Variants in TEX36 observed in about 807,000 individuals in gnomAD.
TEX36 encodes the protein testis expressed 36.
TEX36 carries 12 observed loss-of-function variants against 13.6 expected under a neutral mutation model. The ratio of observed to expected loss-of-function variants is 0.88; its 90% CI spans 0.56 to 1.43. The LOEUF is 1.43. Ranked by LOEUF, TEX36 falls within the 40% of genes most tolerant of loss-of-function variation. The probability of loss-of-function intolerance (pLI) is 0.00; values close to 1 mark genes in which losing one functional copy is unlikely to be tolerated. For synonymous variants in TEX36, 93 were observed against 83.0 expected, an observed-to-expected ratio of 1.12 and a Z score of -0.65; for missense variants, 224 against 228.3, an observed-to-expected ratio of 0.98 and a Z score of 0.12.
At chr10:125,604,624 C>G (rs1161209877) in intron 3 of TEX36, among the ~76,000 whole-genome samples, 1 of 152,134 alleles carries the variant, frequency 6.6e-6, no homozygotes, top group African/African-American at 2.4e-5. Context: ...CCATCCTGGT[C>G]AACAAGGTGA....
intron 3 of TEX36, among the ~76,000 whole-genome samples, chr10:125,588,008 A>G (rs2133529470): frequency 6.6e-6 from 1 of 152,264 alleles, no homozygotes; most frequent in East Asian, 1.9e-4. Flanking sequence ...GGATACCATA[A>G]TCTATTTAAT....
intron 1 of TEX36, among the ~76,000 whole-genome samples, chr10:125,668,651 T>G (rs1283860584): frequency 6.6e-6 from 1 of 152,178 alleles, no homozygotes; most frequent in Non-Finnish European, 1.5e-5. Context: ...TGTTTTTCTT[T>G]TTTAAAGAAT....
At chr10:125,655,233 C>A (rs551479347), downstream of TEX36, among the ~76,000 whole-genome samples, 1 of 152,048 alleles carries the variant, frequency 6.6e-6, no homozygotes, top group East Asian at 1.9e-4. Flanking sequence ...TCACTTGGGG[C>A]CAGGAATTCA....
Position 125,661,840 on chromosome 10 carries a change from A to G in TEX36, c.183+6T>C. On this transcript the variant is annotated splice_donor_region_variant and intron_variant, in intron 2 of 3. Transcript: ENST00000368821. ...CACATGGCAGTGGCCAGTGTTCAGG[A>G]CTCACCTTCTCCCGGACTTTGTATA... 1 of 1,551,562 alleles carries G rather than the reference A, an allele frequency of 6.4e-7. No homozygotes were observed. Among genetic ancestry groups the G allele is most frequent in the Non-Finnish European group, 8.7e-7 (1 of 1,146,904 alleles).
At chr10:125,580,148 C>T (rs1845866844) in intron 3 of TEX36, among the ~76,000 whole-genome samples, 1 of 152,192 alleles carries the variant, frequency 6.6e-6, no homozygotes, top group Non-Finnish European at 1.5e-5. Context: ...TTCTCTCCAA[C>T]CAATGGCTGC....
At chr10:125,598,307 G>A (rs904316067) in intron 3 of TEX36, among the ~76,000 whole-genome samples, 2 of 152,264 alleles carry the variant, frequency 1.3e-5, no homozygotes, top group East Asian at 3.9e-4. Flanking sequence ...AACGCTTCAG[G>A]GTAGCAACAG....
At position 125,588,166 on chromosome 10, in the gene TEX36, C is replaced by T. The variant is rs531578859; in HGVS notation, c.265-11292G>A. ...TGATGGGTTAATGAGTCAAAGGGTA[C>T]AGACATTTGTAATTTGGATAGAACT... On this transcript the variant is annotated intron_variant, in intron 3 of 3. Coordinates refer to the TEX36 transcript ENST00000532135. Among the ~76,000 whole-genome samples, 5 of 152,284 alleles carry T rather than the reference C, an allele frequency of 3.3e-5. No homozygotes were observed. In the East Asian group the frequency reaches 9.6e-4, roughly 29 times the overall value.
chr10:125,661,844 A>C lies in TEX36; in HGVS notation c.183+2T>G, dbSNP rs1324527165. On this transcript the variant is annotated splice_donor_variant, in intron 2 of 3. Transcript: ENST00000368821. LOFTEE classifies it high-confidence loss of function. Reference sequence around the variant, plus strand: ...TGGCAGTGGCCAGTGTTCAGGACTCACCTTCTCCCGGACTTTGTATATGGG... The same window carrying C: ...TGGCAGTGGCCAGTGTTCAGGACTCCCCTTCTCCCGGACTTTGTATATGGG... 6.4e-7 allele frequency: 1 copy of C among 1,551,760 alleles called. No individual in the cohort carries two copies. Among genetic ancestry groups the C allele is most frequent in the Admixed American group, 2.0e-5 (1 of 51,002 alleles).
chr10:125,662,026 A>G (rs1439090255), intron 1 of TEX36, 49 bp from the exon 2 acceptor site: 2 of 1,551,104 alleles, frequency 1.3e-6, no homozygotes, highest in East Asian at 4.9e-5. Flanking sequence ...ATTTGAATCT[A>G]CAAGCCAAGT....
At chr10:125,639,559 A>G (rs1336660404) in intron 3 of TEX36, among the ~76,000 whole-genome samples, 2 of 141,366 alleles carry the variant, frequency 1.4e-5, no homozygotes, top group African/African-American at 5.2e-5. Flanking sequence ...AATACACATG[A>G]TACTGTGGCT....
At chr10:125,612,640 T>C (rs760693915) in intron 3 of TEX36, among the ~76,000 whole-genome samples, 1 of 152,222 alleles carries the variant, frequency 6.6e-6, no homozygotes, top group Non-Finnish European at 1.5e-5. Context: ...AACTGTCCTC[T>C]TCTTACCTGC....
intron 3 of TEX36, among the ~76,000 whole-genome samples, chr10:125,584,605 A>C (rs1163371568): frequency 2.6e-5 from 4 of 152,216 alleles, no homozygotes; most frequent in Non-Finnish European, 5.9e-5. Context: ...GTTAAATGAC[A>C]TCATAAGTGT....
intron 3 of TEX36, among the ~76,000 whole-genome samples, chr10:125,657,492 T>C (rs1045284773): frequency 6.6e-5 from 10 of 151,856 alleles, no homozygotes; most frequent in East Asian, 3.9e-4. Context: ...CTCCAGCAAA[T>C]TGAAAAACAA....
chr10:125,632,631 G>A (rs1471772007), intron 3 of TEX36, among the ~76,000 whole-genome samples: 1 of 152,202 alleles, frequency 6.6e-6, no homozygotes, highest in Non-Finnish European at 1.5e-5. Context: ...AGAAAGGAAA[G>A]AGCGGGAGAA....
intron 1 of TEX36, chr10:125,667,286 A>T (rs1847139407): frequency 1.6e-6 from 1 of 626,910 alleles, no homozygotes; most frequent in Non-Finnish European, 3.0e-6. Context: ...TCCAAGATAG[A>T]TGTGTTGATC....
Position 125,615,797 on chromosome 10 carries a change from T to G in TEX36, c.265-38923A>C, listed in dbSNP as rs1359474751. On this transcript the variant is annotated intron_variant, in intron 3 of 3. Coordinates refer to the TEX36 transcript ENST00000532135. ...TGGTATCAGGATGATGCTGGCTTCATAAAATGAGTTAGGGAGGATTCCCTC... is the reference window on the plus strand; with the variant it reads ...TGGTATCAGGATGATGCTGGCTTCAGAAAATGAGTTAGGGAGGATTCCCTC... Among the ~76,000 whole-genome samples the G allele has an allele frequency of 2.6e-5, 4 of 152,302 alleles. No homozygotes were observed. In the East Asian group the frequency reaches 7.7e-4, roughly 29 times the overall value.
intron 1 of TEX36, among the ~76,000 whole-genome samples, chr10:125,663,246 T>C (rs1162436480): frequency 6.6e-6 from 1 of 152,244 alleles, no homozygotes; most frequent in Non-Finnish European, 1.5e-5. Flanking sequence ...ATAGTGTGAA[T>C]AGTTTGCAAA....
intron 3 of TEX36, among the ~76,000 whole-genome samples, chr10:125,636,584 T>C (rs774086456): frequency 6.6e-6 from 1 of 152,140 alleles, no homozygotes; most frequent in Non-Finnish European, 1.5e-5. Flanking sequence ...GATACCTTCA[T>C]AAAAGTTCCA....
chr10:125,653,179 C>T (rs1267415366), downstream of TEX36, among the ~76,000 whole-genome samples: 2 of 152,166 alleles, frequency 1.3e-5, no homozygotes, highest in African/African-American at 4.8e-5. Context: ...TATAAAGACA[C>T]ATGCACACGT....
Sources: allele counts gnomAD v4.1 joint callset (sites outside exome capture counted in the v4.1 genomes callset), GRCh38; gene constraint gnomAD v4.1.1; transcripts MANE v1.5; gene names NCBI Gene and HGNC (gene_info 2026-07-23, HGNC 2026-07-21).